WDR27: variants seen among roughly 807,000 people sequenced by gnomAD.
WDR27 encodes the protein WD repeat domain 27.
WDR27 carries 100 observed loss-of-function variants against 114.4 expected under a neutral mutation model. The ratio of observed to expected loss-of-function variants is 0.87; its 90% CI spans 0.74 to 1.03. The LOEUF is 1.03. Ranked by LOEUF, WDR27 falls within the 50% of genes least tolerant of loss-of-function variation. The pLI is 0.00. For synonymous variants in WDR27, 449 were observed against 423.1 expected, an observed-to-expected ratio of 1.06 and a Z score of -0.75; for missense variants, 1,129 against 1,092.9, an observed-to-expected ratio of 1.03 and a Z score of -0.47.
chr6:169,580,615 T>C (rs1803205182), intron 24 of WDR27, among the ~76,000 whole-genome samples: 1 of 152,204 alleles, frequency 6.6e-6, no homozygotes, highest in African/African-American at 2.4e-5. Context: ...CAAATCTTAA[T>C]TTTACACAGT....
At chr6:169,510,272 C>A (rs539305774) in intron 25 of WDR27, among the ~76,000 whole-genome samples, 1 of 152,282 alleles carries the variant, frequency 6.6e-6, no homozygotes, top group East Asian at 1.9e-4. Context: ...TCAGCCATCC[C>A]ATTACTGGGT....
chr6:169,687,458 C>T (rs1783303219), intron 2 of WDR27, among the ~76,000 whole-genome samples: 1 of 152,036 alleles, frequency 6.6e-6, no homozygotes, highest in African/African-American at 2.4e-5. Context: ...AAAACAATAT[C>T]TAAATGGCCA....
chr6:169,551,619 C>T (rs1379745551), intron 25 of WDR27, among the ~76,000 whole-genome samples: 1 of 151,736 alleles, frequency 6.6e-6, no homozygotes, highest in Non-Finnish European at 1.5e-5. Flanking sequence ...TGCCTGTAAT[C>T]CCAGCTACTC....
chr6:169,488,010 G>A (rs1789176462), intron 25 of WDR27, among the ~76,000 whole-genome samples: 1 of 152,168 alleles, frequency 6.6e-6, no homozygotes, highest in African/African-American at 2.4e-5. Context: ...CCCCCAGCTG[G>A]GGGTCATGAG....
chr6:169,586,847 C>CAAAAAAAAAA (rs3029697), intron 23 of WDR27, among the ~76,000 whole-genome samples: 8,781 of 32,024 alleles, frequency 0.27, 3,527 homozygotes, highest in Non-Finnish European at 0.4. Flanking sequence ...GACTCTGTCT[C>CAAAAAAAAAA]AAAAAAAAAA....
rs1554281639 is a variant in WDR27, at chr6:169,529,313, G to GGC, written c.2645+43105_2645+43106insGC. On this transcript the variant is annotated intron_variant, in intron 25 of 25. Coordinates refer to ENST00000448612, the MANE Select transcript of WDR27 (RefSeq NM_182552.5). The stretch of plus-strand genomic sequence containing the variant: ...GCACGTTAACGGTGGTGACCTCTGC[G>GGC]GGGGGGGGGGGCAGCTAATGCTAAT... Among the ~76,000 whole-genome samples the GGC allele has an allele frequency of 8.2e-3, 35 of 4,284 alleles. 1 individual carries two copies. Among genetic ancestry groups the GGC allele is most frequent in the East Asian group, 0.018 (30 of 1,668 alleles). The allele number at this position is 4,284 out of a possible 152,430, so 2.8% of individuals were successfully genotyped here.
chr6:169,536,999 A>C (rs1339063448), intron 25 of WDR27, among the ~76,000 whole-genome samples: 1 of 152,240 alleles, frequency 6.6e-6, no homozygotes, highest in East Asian at 1.9e-4. Context: ...ATCCTAACCC[A>C]GAGAAATCCT....
intron 25 of WDR27, among the ~76,000 whole-genome samples, chr6:169,504,563 G>A (rs994544254): frequency 6.6e-6 from 1 of 152,130 alleles, no homozygotes; most frequent in African/African-American, 2.4e-5. Context: ...CCAGTCTCAG[G>A]TATGTCTTTA....
intron 25 of WDR27, among the ~76,000 whole-genome samples, chr6:169,529,386 TTA>T (rs1416741383): frequency 6.6e-6 from 1 of 152,104 alleles, no homozygotes; most frequent in East Asian, 1.9e-4. Context: ...TTTTGTCTAT[TTA>T]TAGTTTCTAT....
chr6:169,601,978 A>G lies in WDR27; in HGVS notation c.2424+241T>C, dbSNP rs185696259. Among the ~76,000 whole-genome samples, 592 of 152,380 alleles carry G rather than the reference A, an allele frequency of 3.9e-3. 5 individuals carry two copies. The highest frequency in any genetic ancestry group is 0.014 in the African/African-American group (566 of 41,594). On this transcript the variant is annotated intron_variant, in intron 23 of 25. Coordinates refer to ENST00000448612, the MANE Select transcript of WDR27 (RefSeq NM_182552.5). ...GTGTCTTTCAAATAGTAGGCACTCAACAAGTATCTGTGAAATGATTAATAA... is the reference window on the plus strand; with the variant it reads ...GTGTCTTTCAAATAGTAGGCACTCAGCAAGTATCTGTGAAATGATTAATAA...
At chr6:169,482,155 T>C (rs899663044) in intron 25 of WDR27, among the ~76,000 whole-genome samples, 1 of 152,246 alleles carries the variant, frequency 6.6e-6, no homozygotes, top group South Asian at 2.1e-4. Flanking sequence ...TACATAGTAT[T>C]CTATGGTGTA....
At chr6:169,620,312 G>T (rs943737882) in intron 21 of WDR27, among the ~76,000 whole-genome samples, 15 of 152,256 alleles carry the variant, frequency 9.9e-5, no homozygotes, top group Admixed American at 5.9e-4. Flanking sequence ...TCCTAAGTAA[G>T]ATAGCTACAA....
intron 25 of WDR27, among the ~76,000 whole-genome samples, chr6:169,482,692 G>A (rs570716029): frequency 1.3e-5 from 2 of 152,240 alleles, no homozygotes; most frequent in East Asian, 3.9e-4. Context: ...GACCTGATAA[G>A]ATATCTACAG....
intron 25 of WDR27, among the ~76,000 whole-genome samples, chr6:169,561,668 A>C (rs1799691764): frequency 6.6e-6 from 1 of 152,126 alleles, no homozygotes; most frequent in Non-Finnish European, 1.5e-5. Flanking sequence ...GATCAGAAGG[A>C]GCAAATAGAA....
At chr6:169,597,874 T>TCACA (rs1427378371) in intron 23 of WDR27, among the ~76,000 whole-genome samples, 1 of 82,354 alleles carries the variant, frequency 1.2e-5, no homozygotes, top group African/African-American at 5.4e-5. Context: ...CTCTTACCAT[T>TCACA]CATACACACA....
chr6:169,600,708 G>T (rs1807807072), intron 23 of WDR27, among the ~76,000 whole-genome samples: 2 of 152,186 alleles, frequency 1.3e-5, no homozygotes, highest in African/African-American at 4.8e-5. Flanking sequence ...GGAAGAAAGG[G>T]TATCAGTGAT....
intron 25 of WDR27, among the ~76,000 whole-genome samples, chr6:169,550,009 T>C (rs9383493): frequency 0.17 from 26,121 of 151,794 alleles, 3,588 homozygotes; most frequent in East Asian, 0.62. Flanking sequence ...CAAGAGTGAA[T>C]GCTGATAAAC....
At chr6:169,434,594 A>G in the WDR27 span, among the ~76,000 whole-genome samples, 1 of 152,066 alleles carries the variant, frequency 6.6e-6, no homozygotes, top group Admixed American at 6.5e-5. Flanking sequence ...GCTATGTTTT[A>G]GCAAAGAGAC....
intron 25 of WDR27, among the ~76,000 whole-genome samples, chr6:169,463,110 T>A (rs762233296): frequency 5.3e-4 from 81 of 152,166 alleles, no homozygotes; most frequent in Non-Finnish European, 1.0e-3. Flanking sequence ...GATCAAGCTG[T>A]TAGCAAGTTG....
Sources: gnomAD v4.1 joint callset for allele counts (sites outside exome capture counted in the v4.1 genomes callset) on GRCh38, gnomAD v4.1.1 for gene constraint, MANE v1.5 for transcripts, NCBI Gene and HGNC (gene_info 2026-07-23, HGNC 2026-07-21) for gene names.